NYAP2: variants seen among roughly 807,000 people sequenced by gnomAD.
The protein encoded by NYAP2 is neuronal tyrosine-phosphorylated phosphoinositide-3-kinase adaptor 2, also known as neuronal tyrosine-phosphorylated phosphoinositide-3-kinase adapter 2.
Under a neutral mutation model 50.4 loss-of-function variants are expected in NYAP2, and 23 were observed. The observed-to-expected ratio is 0.46, with a 90% CI of 0.33 to 0.65. The LOEUF (loss-of-function observed/expected upper bound fraction) is 0.65, where lower values mean the gene tolerates loss of function less well. Among genes scored for constraint, NYAP2 ranks in the 30% least tolerant of loss-of-function variants. The pLI, the probability that NYAP2 is intolerant of heterozygous loss-of-function variation, is 0.02. For missense variants in NYAP2, 885 were observed against 861.0 expected, an observed-to-expected ratio of 1.03 and a Z score of -0.35; for synonymous variants, 394 against 365.2, an observed-to-expected ratio of 1.08 and a Z score of -0.90.
At chr2:225,668,956 C>CTTTTTT in the NYAP2 span, among the ~76,000 whole-genome samples, 5 of 69,524 alleles carry the variant, frequency 7.2e-5, no homozygotes, top group African/African-American at 3.0e-4. Flanking sequence ...GTGTCCCCTG[C>CTTTTTT]TTTTTTTTTT....
At chr2:225,680,284 G>A in the NYAP2 span, among the ~76,000 whole-genome samples, 3 of 152,156 alleles carry the variant, frequency 2.0e-5, no homozygotes, top group Non-Finnish European at 4.4e-5. Flanking sequence ...AAGTTTAGAA[G>A]TATAGGAAAA....
intron 3 of NYAP2, among the ~76,000 whole-genome samples, chr2:225,447,038 C>G (rs1689575085): frequency 6.6e-6 from 1 of 151,844 alleles, no homozygotes; most frequent in Non-Finnish European, 1.5e-5. Context: ...TATCAATAGC[C>G]TAAGATGAGT....
intron 3 of NYAP2, among the ~76,000 whole-genome samples, chr2:225,503,037 G>T (rs1690634505): frequency 6.6e-6 from 1 of 151,970 alleles, no homozygotes; most frequent in Admixed American, 6.6e-5. Flanking sequence ...TTAAGTTAAG[G>T]CCTTCTGCTC....
intron 4 of NYAP2, among the ~76,000 whole-genome samples, chr2:225,574,691 T>C (rs1692136489): frequency 6.6e-6 from 1 of 152,232 alleles, no homozygotes; most frequent in Non-Finnish European, 1.5e-5. Context: ...TTTCTTTAGA[T>C]GAAAGACAGA....
At chr2:225,702,961 T>A in the NYAP2 span, 1 of 151,652 alleles carries the variant, frequency 6.6e-6, no homozygotes, top group Non-Finnish European at 1.5e-5. Flanking sequence ...GTATACATAC[T>A]GTATATAATA....
intron 6 of NYAP2, among the ~76,000 whole-genome samples, chr2:225,638,541 G>A (rs758075891): frequency 1.3e-5 from 2 of 152,100 alleles, no homozygotes; most frequent in African/African-American, 2.4e-5. Flanking sequence ...CCATGAGAGT[G>A]CCTGGGGCAG....
At chr2:225,526,438 C>T (rs1691153641) in intron 4 of NYAP2, among the ~76,000 whole-genome samples, 2 of 152,180 alleles carry the variant, frequency 1.3e-5, no homozygotes, top group African/African-American at 4.8e-5. Context: ...CCAAATGTCC[C>T]TGGCCAGACT....
chr2:225,548,803 T>G (rs1691625820), intron 4 of NYAP2, among the ~76,000 whole-genome samples: 1 of 152,210 alleles, frequency 6.6e-6, no homozygotes, highest in South Asian at 2.1e-4. Flanking sequence ...TTGAGCCAAC[T>G]TGTTTGGTTA....
chr2:225,427,666 A>G (rs987588770), intron 3 of NYAP2, among the ~76,000 whole-genome samples: 2 of 152,108 alleles, frequency 1.3e-5, no homozygotes, highest in Non-Finnish European at 2.9e-5. Context: ...GCTATCTCTT[A>G]TTTTGGTCTA....
chr2:225,484,008 A>T (rs190679921), intron 3 of NYAP2, among the ~76,000 whole-genome samples: 55 of 152,290 alleles, frequency 3.6e-4, no homozygotes, highest in African/African-American at 1.3e-3. Context: ...TACAGGAAAA[A>T]CTTGAGGATT....
exon 3 of NYAP2, chr2:225,409,064 A>G (rs545418676): frequency 1.9e-6 from 3 of 1,610,476 alleles, no homozygotes; most frequent in Non-Finnish European, 2.5e-6. Context: ...GAAAGAGAAG[A>G]ATGAAAAACG....
intron 3 of NYAP2, among the ~76,000 whole-genome samples, chr2:225,414,995 A>T (rs1255539946): frequency 6.6e-6 from 1 of 152,112 alleles, no homozygotes; most frequent in Non-Finnish European, 1.5e-5. Context: ...AATCAAACAA[A>T]TGCTACATTA....
intron 3 of NYAP2, among the ~76,000 whole-genome samples, chr2:225,495,056 A>G (rs892248526): frequency 7.2e-5 from 11 of 152,184 alleles, no homozygotes; most frequent in Non-Finnish European, 1.6e-4. Context: ...CTTTATGCAT[A>G]AAGTTTACAT....
chr2:225,523,950 C>A (rs190930091), intron 4 of NYAP2, among the ~76,000 whole-genome samples: 16 of 152,236 alleles, frequency 1.1e-4, no homozygotes, highest in Non-Finnish European at 2.2e-4. Flanking sequence ...AAAATGTACA[C>A]TGAGGATAGA....
At chr2:225,589,904 C>T (rs1018625078) in intron 5 of NYAP2, among the ~76,000 whole-genome samples, 1 of 152,124 alleles carries the variant, frequency 6.6e-6, no homozygotes, top group African/African-American at 2.4e-5. Flanking sequence ...CAGCCTGTGA[C>T]TGCCCACATG....
At chr2:225,460,489 A>T (rs1385148554) in intron 3 of NYAP2, among the ~76,000 whole-genome samples, 1 of 152,148 alleles carries the variant, frequency 6.6e-6, no homozygotes, top group Non-Finnish European at 1.5e-5. Context: ...ATTCTTCTCT[A>T]ATCTTGATAT....
At chr2:225,674,868 G>T in the NYAP2 span, among the ~76,000 whole-genome samples, 1 of 152,040 alleles carries the variant, frequency 6.6e-6, no homozygotes, top group African/African-American at 2.4e-5. Context: ...AATTTGAAAA[G>T]GGGGTGTATT....
the NYAP2 span, among the ~76,000 whole-genome samples, chr2:225,660,085 G>A: frequency 3.3e-5 from 5 of 152,146 alleles, no homozygotes; most frequent in Admixed American, 2.0e-4. Context: ...CTTATTGCCT[G>A]CACCTGGGGC....
chr2:225,690,995 GT>G, the NYAP2 span, among the ~76,000 whole-genome samples: 11 of 151,960 alleles, frequency 7.2e-5, no homozygotes, highest in Non-Finnish European at 1.6e-4. Context: ...GGTAACAGTA[GT>G]TTTTTCCAAA....
Sources: allele counts gnomAD v4.1 joint callset (sites outside exome capture counted in the v4.1 genomes callset), GRCh38; gene constraint gnomAD v4.1.1; transcripts MANE v1.5; gene names NCBI Gene and HGNC (gene_info 2026-07-23, HGNC 2026-07-21).